Variants in JARID2 observed in about 807,000 individuals in gnomAD.
The protein encoded by JARID2 is protein Jumonji.
Under a neutral mutation model 125.6 loss-of-function variants are expected in JARID2, and 21 were observed. The ratio of observed to expected loss-of-function variants is 0.17; its 90% CI spans 0.12 to 0.24. JARID2 has a LOEUF of 0.24. JARID2 is among the 10% of genes least tolerant of loss of function. The pLI is 1.00. For missense variants in JARID2, 1,303 were observed against 1,639.6 expected (o/e 0.79, Z 3.55); for synonymous variants, 736 against 661.6 (o/e 1.11, Z -1.73).
intron 1 of JARID2, among the ~76,000 whole-genome samples, chr6:15,316,045 G>A (rs1254449789): frequency 4.0e-5 from 6 of 151,876 alleles, no homozygotes; most frequent in Non-Finnish European, 5.9e-5. Flanking sequence ...GTTATCTTCA[G>A]TATTTTCTCA....
chr6:15,291,138 C>A (rs886925314), intron 1 of JARID2, among the ~76,000 whole-genome samples: 1 of 152,006 alleles, frequency 6.6e-6, no homozygotes, highest in Non-Finnish European at 1.5e-5. Context: ...CAGGACGTTG[C>A]GGTGGGAGAT....
chr6:15,386,009 G>A (rs1005887033), intron 2 of JARID2, among the ~76,000 whole-genome samples: 24 of 152,278 alleles, frequency 1.6e-4, no homozygotes, highest in Admixed American at 9.2e-4. Context: ...TAGGTACAAG[G>A]TATGTTGCTT....
Position 15,345,588 on chromosome 6 carries a change from T to C in JARID2, c.46-28529T>C, listed in dbSNP as rs542271084. ...AAAATTCAGTTCATAATTAAACATATTAATTTATTTAATATTATTCGTTCC... is the reference window on the plus strand; with the variant it reads ...AAAATTCAGTTCATAATTAAACATACTAATTTATTTAATATTATTCGTTCC... On this transcript the variant is annotated intron_variant, in intron 1 of 17. Coordinates refer to ENST00000341776, the MANE Select transcript of JARID2 (RefSeq NM_004973.4). Among the ~76,000 whole-genome samples, 64 of 152,368 alleles carry C rather than the reference T, an allele frequency of 4.2e-4. No homozygotes were observed. The South Asian group carries it at 8.3e-3, about 20-fold the overall frequency.
rs1031290422 is a variant in JARID2, at chr6:15,377,663, G to A, written c.181+3411G>A. On this transcript the variant is annotated intron_variant, in intron 2 of 17. Transcript: ENST00000341776. The stretch of plus-strand genomic sequence containing the variant: ...TGAGACCCTGTCTTTACAAATTATA[G>A]TAATAATAATAAATTAGCCAGGCAT... Among the ~76,000 whole-genome samples the A allele has an allele frequency of 8.6e-5, 13 of 151,546 alleles. No individual in the cohort carries two copies. In the South Asian group the frequency reaches 2.7e-3, roughly 32 times the overall value.
chr6:15,318,449 AAGAACTTCCAGG>A (rs1339347785), intron 1 of JARID2, among the ~76,000 whole-genome samples: 1 of 152,212 alleles, frequency 6.6e-6, no homozygotes, highest in African/African-American at 2.4e-5. Context: ...CATGTCCAGC[AAGAACTTCCAGG>A]TTTTTGTTGT....
At position 15,512,232 on chromosome 6, in the gene JARID2, G is replaced by C; in HGVS notation, c.2977G>C (p.Glu993Gln). ...GATCTCCCCGGAGGTGCTGTGCAAA[G>C]AGGGGATCAAGGTGCACAGGACCGT... ...VMISPEVLCK[E>Q]GIKVHRTVQQ... Residue 993 changes from glutamate to glutamine, a missense_variant, in exon 14 of 18, where the codon GAG (glutamate) becomes CAG (glutamine). Coordinates refer to ENST00000341776, the MANE Select transcript of JARID2 (RefSeq NM_004973.4). The C allele has an allele frequency of 6.2e-7, 1 of 1,614,172 alleles. No homozygotes were observed. The highest frequency in any genetic ancestry group is 8.5e-7 in the Non-Finnish European group (1 of 1,180,018).
At chr6:15,316,047 A>G (rs1462946373) in intron 1 of JARID2, among the ~76,000 whole-genome samples, 3 of 151,780 alleles carry the variant, frequency 2.0e-5, no homozygotes, top group Admixed American at 1.3e-4. Context: ...TATCTTCAGT[A>G]TTTTCTCAAC....
intron 3 of JARID2, among the ~76,000 whole-genome samples, chr6:15,415,612 C>G (rs1442503841): frequency 1.2e-4 from 17 of 147,180 alleles, no homozygotes; most frequent in Non-Finnish European, 1.8e-4. Flanking sequence ...CTCCACCTCC[C>G]TCCCGGTCGG....
rs1764267540 is a variant in JARID2, at chr6:15,374,203, G to C, written c.132G>C (p.Gln44His). The part of the protein sequence containing the change: ...YLSLKEFKNS[Q>H]KRQHAEGIAG... Reference sequence around the variant, plus strand: ...CTCTGAAGGAGTTCAAGAATTCCCAGAAGAGGCAGCATGCGGAAGGCATTG... The same window carrying C: ...CTCTGAAGGAGTTCAAGAATTCCCACAAGAGGCAGCATGCGGAAGGCATTG... Residue 44 changes from glutamine to histidine, a missense_variant, in exon 2 of 18, where the codon CAG becomes CAC. This residue lies in a region of JARID2 where 93 missense variants were observed against 120.4 expected (regional missense o/e 0.77). Coordinates refer to ENST00000341776, the MANE Select transcript of JARID2 (RefSeq NM_004973.4). 1.1e-5 allele frequency: 17 copies of C among 1,614,030 alleles called. No individual in the cohort carries two copies. Among genetic ancestry groups the C allele is most frequent in the Non-Finnish European group, 1.3e-5 (15 of 1,180,006 alleles).
chr6:15,391,328 T>G (rs1311267721), intron 2 of JARID2, among the ~76,000 whole-genome samples: 2 of 152,102 alleles, frequency 1.3e-5, no homozygotes, highest in Non-Finnish European at 2.9e-5. Flanking sequence ...GTGTTAGGTT[T>G]GTATAGGAGG....
At chr6:15,427,696 A>G (rs142756134) in intron 3 of JARID2, among the ~76,000 whole-genome samples, 2 of 152,142 alleles carry the variant, frequency 1.3e-5, no homozygotes, top group African/African-American at 2.4e-5. Flanking sequence ...CCTCCTGGGA[A>G]CATTTGATCA....
chr6:15,397,396 A>G (rs976196249), intron 2 of JARID2, among the ~76,000 whole-genome samples: 1 of 152,180 alleles, frequency 6.6e-6, no homozygotes, highest in Non-Finnish European at 1.5e-5. Flanking sequence ...CTCTTCTATC[A>G]TACGACAATC....
chr6:15,262,695 G>A (rs572743437), intron 1 of JARID2, among the ~76,000 whole-genome samples: 3 of 151,942 alleles, frequency 2.0e-5, no homozygotes, highest in South Asian at 4.2e-4. Context: ...GCGCCACCAC[G>A]CCCGGCTAAT....
chr6:15,290,572 T>C (rs1396910947), intron 1 of JARID2, among the ~76,000 whole-genome samples: 1 of 152,180 alleles, frequency 6.6e-6, no homozygotes, highest in Admixed American at 6.5e-5. Context: ...GGTTAGTATT[T>C]GGCCAGAATC....
chr6:15,457,497 CTT>C (rs1286384091), intron 4 of JARID2, among the ~76,000 whole-genome samples: 2 of 151,758 alleles, frequency 1.3e-5, no homozygotes, highest in Non-Finnish European at 2.9e-5. Context: ...AGAAGGCAGT[CTT>C]TAATATGCTC....
rs1561923542 is a variant in JARID2, at chr6:15,520,057, A to G, written c.3559-12A>G. 6 of 1,605,372 alleles carry G rather than the reference A, an allele frequency of 3.7e-6. No homozygotes were observed. Among genetic ancestry groups the G allele is most frequent in the Non-Finnish European group, 5.1e-6 (6 of 1,176,058 alleles). ...GGTATGTTAACTGTGTCTTCCTTTCACCCCCAAACAGGAACAGATTATCAG... is the reference window on the plus strand; with the variant it reads ...GGTATGTTAACTGTGTCTTCCTTTCGCCCCCAAACAGGAACAGATTATCAG... On this transcript the variant is annotated splice_polypyrimidine_tract_variant and intron_variant, in intron 17 of 17. Transcript: ENST00000341776.
chr6:15,301,095 T>C (rs1761606382), intron 1 of JARID2, among the ~76,000 whole-genome samples: 1 of 152,186 alleles, frequency 6.6e-6, no homozygotes, highest in Admixed American at 6.5e-5. Flanking sequence ...AGTAACTGGG[T>C]TGTCCATAAC....
At chr6:15,304,800 G>C (rs1299965579) in intron 1 of JARID2, among the ~76,000 whole-genome samples, 1 of 152,114 alleles carries the variant, frequency 6.6e-6, no homozygotes, top group Admixed American at 6.5e-5. Context: ...TGTTTTTCCT[G>C]GGAGTCCATG....
chr6:15,329,949 C>G (rs892019919), intron 1 of JARID2, among the ~76,000 whole-genome samples: 1 of 152,178 alleles, frequency 6.6e-6, no homozygotes, highest in Non-Finnish European at 1.5e-5. Context: ...AATAGATGTT[C>G]AGCAGATTCT....
Sources: gnomAD v4.1 joint callset for allele counts (sites outside exome capture counted in the v4.1 genomes callset) on GRCh38, gnomAD v4.1.1 for gene constraint, gnomAD v4.1.1 regional missense constraint, MANE v1.5 for transcripts, NCBI Gene and HGNC (gene_info 2026-07-23, HGNC 2026-07-21) for gene names.